Variants in DLG4 observed in about 807,000 individuals in gnomAD.
DLG4 encodes the protein disks large homolog 4.
In DLG4, 7 loss-of-function variants were observed where a neutral mutation model predicts 93.8. The observed-to-expected ratio is 0.07, with a 90% CI of 0.04 to 0.14. DLG4 has a LOEUF of 0.14. Among genes scored for constraint, DLG4 ranks in the 10% least tolerant of loss-of-function variants. The pLI, the probability that DLG4 is intolerant of heterozygous loss-of-function variation, is 1.00. For synonymous variants in DLG4, 341 were observed against 387.6 expected, an observed-to-expected ratio of 0.88 and a Z score of 1.41; for missense variants, 545 against 992.9, an observed-to-expected ratio of 0.55 and a Z score of 6.06.
intron 2 of DLG4, chr17:7,204,989 G>A: frequency 2.0e-6 from 2 of 985,648 alleles, no homozygotes; most frequent in Non-Finnish European, 2.4e-6. Context: ...GGTGGGGCGT[G>A]GCCTGGGGCC....
chr17:7,213,637 A>T (rs1479910110), intron 1 of DLG4, among the ~76,000 whole-genome samples: 1 of 152,030 alleles, frequency 6.6e-6, no homozygotes, highest in Non-Finnish European at 1.5e-5. Context: ...AGAGATTTCC[A>T]TTTTCTCCCA....
upstream of DLG4, chr17:7,219,739 A>C: frequency 6.9e-7 from 1 of 1,442,454 alleles, no homozygotes; most frequent in African/African-American, 1.4e-5. Flanking sequence ...ACTAGACTCT[A>C]GGTCGGACGG....
chr17:7,203,940 G>T lies in DLG4; in HGVS notation c.210+68C>A. ...CACAGGGTGAGGGGCTAGCCACCCA[G>T]ACCACATGGCAGAAAGAAAGGTACA... is the stretch of plus-strand genomic sequence containing the variant. On this transcript the variant is annotated intron_variant, in intron 4 of 19. Transcript: ENST00000399506. This position sits in a 1 kb window ranked among gnomAD's most constrained non-coding sequence, Gnocchi z 7.2. 6.3e-7 allele frequency: 1 copy of T among 1,591,528 alleles called. No homozygotes were observed. Among genetic ancestry groups the T allele is most frequent in the South Asian group, 1.1e-5 (1 of 88,328 alleles).
At position 7,193,403 on chromosome 17, in the gene DLG4, T is replaced by C. The variant is rs934542902; in HGVS notation, c.1693+80A>G. 1.3e-5 allele frequency: 18 copies of C among 1,371,874 alleles called. No homozygotes were observed. Among genetic ancestry groups the C allele is most frequent in the Non-Finnish European group, 1.7e-5 (17 of 1,021,742 alleles). The allele number at this position is 1,371,874 out of a possible 1,614,324, so 85.0% of individuals were successfully genotyped here. A position where few individuals can be genotyped will look rare whatever the true frequency, so the allele number is the denominator to read the frequency against. On this transcript the variant is annotated intron_variant, in intron 16 of 19. Coordinates refer to ENST00000399506, the MANE Select transcript of DLG4 (RefSeq NM_001321075.3). This position sits in a 1 kb window ranked among gnomAD's most constrained non-coding sequence, Gnocchi z 6.7. ...TACACACCGATCCCCCAGGAGGCTCTGCCTATGGCCCCAGGGATGGGCCTC... is the reference window on the plus strand; with the variant it reads ...TACACACCGATCCCCCAGGAGGCTCCGCCTATGGCCCCAGGGATGGGCCTC...
chr17:7,203,124 T>C lies in DLG4; in HGVS notation c.642+69A>G. 8 of 1,570,994 alleles carry C rather than the reference T, an allele frequency of 5.1e-6. No individual in the cohort carries two copies. The highest frequency in any genetic ancestry group is 7.0e-6 in the Non-Finnish European group (8 of 1,150,718). On this transcript the variant is annotated intron_variant, in intron 7 of 19. Coordinates refer to ENST00000399506, the MANE Select transcript of DLG4 (RefSeq NM_001321075.3). The surrounding 1 kb of genome is among the most constrained non-coding windows in gnomAD (Gnocchi z 7.2). ...GAAGCACTGGGGTGAAGTGATGAAC[T>C]TGGGCCTGCCAGGGCTAGTAGGTGA... is the stretch of plus-strand genomic sequence containing the variant.
At chr17:7,192,398 G>T in intron 17 of DLG4, 1 of 193,798 alleles carries the variant, frequency 5.2e-6, no homozygotes. Context: ...AGAGGGAGGA[G>T]GGAGGGGAGG....
chr17:7,199,138 T>C (rs887990568), intron 8 of DLG4, among the ~76,000 whole-genome samples: 2 of 152,214 alleles, frequency 1.3e-5, no homozygotes, highest in Non-Finnish European at 2.9e-5. Flanking sequence ...TGCATGCCTC[T>C]TTCCATTCAT....
intron 8 of DLG4, 107 bp from the exon 9 acceptor site, chr17:7,197,159 T>A: frequency 8.7e-7 from 1 of 1,149,076 alleles, no homozygotes; most frequent in Admixed American, 2.7e-5. Context: ...GAAGGGAAGA[T>A]ATTCTGCCAG....
At chr17:7,201,155 C>T (rs970305944) in intron 8 of DLG4, among the ~76,000 whole-genome samples, 3 of 152,178 alleles carry the variant, frequency 2.0e-5, no homozygotes, top group Admixed American at 6.5e-5. Flanking sequence ...TGAGCCACCT[C>T]GCCCAGCCAA....
Position 7,194,514 on chromosome 17 carries a change from T to G in DLG4, c.1302-19A>C. 6.3e-7 allele frequency: 1 copy of G among 1,590,372 alleles called. No individual in the cohort carries two copies. Among genetic ancestry groups the G allele is most frequent in the South Asian group, 1.1e-5 (1 of 87,344 alleles). ...CAGGGCCCTGGAGGGCAAGTGGCTA[T>G]CGGTCAGAGCCCAGCTGAGGACTCC... On this transcript the variant is annotated intron_variant, in intron 11 of 19. Coordinates refer to ENST00000399506, the MANE Select transcript of DLG4 (RefSeq NM_001321075.3). The surrounding 1 kb of genome is among the most constrained non-coding windows in gnomAD (Gnocchi z 4.4).
Position 7,196,287 on chromosome 17 carries a change from T to C in DLG4, c.1234A>G (p.Met412Val). 2 of 1,613,208 alleles carry C rather than the reference T, an allele frequency of 1.2e-6. No homozygotes were observed. The highest frequency in any genetic ancestry group is 8.5e-7 in the Non-Finnish European group (1 of 1,179,144). ...AKIHDLREQL[M>V]NSSLGSGTAS... is the part of the protein sequence containing the mutation. ...GTCCCTGAGCCCAGGCTGCTGTTCA[T>C]GAGCTGTTCCCGAAGGTCGTGGATC... The change falls in exon 11 of 20, where the codon ATG (methionine) becomes GTG (valine). Residue 412 changes from methionine (M) to valine (V), a missense_variant. Physicochemically the swap from Met to Val is conservative, Grantham distance 21. This residue lies in a region of DLG4 where 428 missense variants were observed against 741.4 expected (regional missense o/e 0.58). Coordinates refer to ENST00000399506, the MANE Select transcript of DLG4 (RefSeq NM_001321075.3). The surrounding 1 kb of genome is among the most constrained non-coding windows in gnomAD (Gnocchi z 8.3).
rs1372716083 is a variant in DLG4, at chr17:7,190,111, C to T, written c.*597G>A. 6.7e-6 allele frequency: 1 copy of T among 149,792 alleles called. No homozygotes were observed. The highest frequency in any genetic ancestry group is 1.5e-5 in the Non-Finnish European group (1 of 67,820). The allele number at this position is 149,792 out of a possible 1,614,324, so 9.3% of individuals were successfully genotyped here. ...AAAAAAAAGCCACATTTAGACCTTC[C>T]ACTCATGCAAACCGGCAAAGAAAAA... On this transcript the variant is annotated 3_prime_UTR_variant, in exon 20 of 20. Transcript: ENST00000399506.
intron 2 of DLG4, chr17:7,205,142 T>C (rs1316297099): frequency 1.0e-6 from 1 of 985,318 alleles, no homozygotes; most frequent in Non-Finnish European, 1.2e-6. Context: ...CCTTCCTCGC[T>C]CCCCTACGCC....
chr17:7,190,956 G>C (rs2069458377), intron 19 of DLG4, 142 bp from the exon 20 acceptor site: 1 of 613,402 alleles, frequency 1.6e-6, no homozygotes, highest in African/African-American at 2.6e-5. Flanking sequence ...CGCCCACAGG[G>C]GCACCTCTTT....
rs764615722 is a variant in DLG4 at position 7,190,722 on chromosome 17, G to A, written c.2161C>T (p.Arg721Ter). ...CAGGGCAGGAATCAGAGTCTCTCTC[G>A]GGCTGGAACCCAGATGTAGGGGCCT... Reference protein sequence around the residue: ...LSGPYIWVPARERL With the variant: ...LSGPYIWVPA The change falls in exon 20 of 20, where the codon CGA becomes TGA. Residue 721 changes from arginine to a stop codon, truncating the protein, a stop_gained. Coordinates refer to ENST00000399506, the MANE Select transcript of DLG4 (RefSeq NM_001321075.3). LOFTEE classifies it high-confidence loss of function. 8.1e-6 allele frequency: 13 copies of A among 1,613,522 alleles called. No individual in the cohort carries two copies. The highest frequency in any genetic ancestry group is 4.4e-5 in the South Asian group (4 of 91,076).
Position 7,193,767 on chromosome 17 carries a change from C to G in DLG4, c.1544-53G>C. The G allele has an allele frequency of 6.2e-7, 1 of 1,609,806 alleles. No individual in the cohort carries two copies. Among genetic ancestry groups the G allele is most frequent in the Non-Finnish European group, 8.5e-7 (1 of 1,177,746 alleles). The stretch of plus-strand genomic sequence containing the variant: ...GGCTCTGAAACAGGGGACCTGGAGC[C>G]CTGTCTCCCCCTTGAGGATATCAAA... On this transcript the variant is annotated intron_variant, in intron 14 of 19. Coordinates refer to ENST00000399506, the MANE Select transcript of DLG4 (RefSeq NM_001321075.3). The surrounding 1 kb of genome is among the most constrained non-coding windows in gnomAD (Gnocchi z 6.7).
At position 7,193,188 on chromosome 17, in the gene DLG4, A is replaced by G. The variant is rs560402317; in HGVS notation, c.1694-71T>C. ...TCTAGCTTAAATCCTGCCTACTTCA[A>G]TCAAATCCCCATAGTGCCCAGCTGG... On this transcript the variant is annotated intron_variant, in intron 16 of 19. Coordinates refer to ENST00000399506, the MANE Select transcript of DLG4 (RefSeq NM_001321075.3). This position sits in a 1 kb window ranked among gnomAD's most constrained non-coding sequence, Gnocchi z 6.7. 3.7e-5 allele frequency: 59 copies of G among 1,582,410 alleles called. No individual in the cohort carries two copies. The African/African-American group carries it at 7.6e-4, about 20-fold the overall frequency.
chr17:7,202,835 G>A lies in DLG4; in HGVS notation c.787+68C>T, dbSNP rs759010555. 3.5e-5 allele frequency: 55 copies of A among 1,585,864 alleles called. No homozygotes were observed. In the Middle Eastern group the frequency reaches 8.3e-4, roughly 24 times the overall value. On this transcript the variant is annotated intron_variant, in intron 8 of 19. Transcript: ENST00000399506. ...GAAGAGGGACAGCTACAGGGATGTC[G>A]TGGGACTGCATGTCATGGGTTAAAC... is the stretch of plus-strand genomic sequence containing the variant.
upstream of DLG4, chr17:7,218,367 G>A: frequency 6.8e-7 from 1 of 1,479,732 alleles, no homozygotes; most frequent in Non-Finnish European, 9.3e-7. Context: ...CTGGCTGGCT[G>A]GCAAGGGAGG....
Sources: gnomAD v4.1 joint callset for allele counts (sites outside exome capture counted in the v4.1 genomes callset) on GRCh38, gnomAD v4.1.1 for gene constraint, gnomAD v4.1.1 regional missense constraint, Gnocchi (gnomAD v3.1) non-coding constraint, MANE v1.5 for transcripts, NCBI Gene and HGNC (gene_info 2026-07-23, HGNC 2026-07-21) for gene names.